The following MEIS2 variants were observed in gnomAD, a reference collection of about 807,000 sequenced individuals.
MEIS2 encodes homeobox protein Meis2.
MEIS2 carries 9 observed loss-of-function variants against 58.6 expected under a neutral mutation model. That is an observed-to-expected ratio of 0.15 (90% CI 0.09 to 0.27). The LOEUF is 0.27. MEIS2 is among the 10% of genes least tolerant of loss of function. MEIS2 has a pLI of 1.00. For missense variants in MEIS2, 427 were observed against 635.0 expected, an observed-to-expected ratio of 0.67 and a Z score of 3.52; for synonymous variants, 221 against 228.4, an observed-to-expected ratio of 0.97 and a Z score of 0.29.
chr15:36,941,062 A>C (rs1008191402), intron 9 of MEIS2, among the ~76,000 whole-genome samples: 6 of 152,106 alleles, frequency 3.9e-5, no homozygotes, highest in Non-Finnish European at 8.8e-5. Context: ...GCAGCAACCC[A>C]TTCCACCTAA....
At chr15:36,957,779 ATGCATTAGTTC>A (rs1244373374) in intron 8 of MEIS2, among the ~76,000 whole-genome samples, 1 of 152,244 alleles carries the variant, frequency 6.6e-6, no homozygotes, top group Non-Finnish European at 1.5e-5. Flanking sequence ...TTGTTACTGA[ATGCATTAGTTC>A]TGAAATTGGT....
chr15:37,049,926 C>T (rs372929674), intron 7 of MEIS2, among the ~76,000 whole-genome samples: 1 of 152,072 alleles, frequency 6.6e-6, no homozygotes, highest in African/African-American at 2.4e-5. Flanking sequence ...TTCAAGGCCA[C>T]TTACTAATCT....
intron 9 of MEIS2, among the ~76,000 whole-genome samples, chr15:36,927,288 C>T (rs2057787170): frequency 6.6e-6 from 1 of 152,050 alleles, no homozygotes; most frequent in South Asian, 2.1e-4. Context: ...GCATATAAAC[C>T]AGGGGTACAG....
chr15:36,995,957 ATATATATATATATATATAT>A (rs1435281987), intron 8 of MEIS2, among the ~76,000 whole-genome samples: 6 of 4,498 alleles, frequency 1.3e-3, no homozygotes, highest in African/African-American at 8.8e-3. Flanking sequence ...CTAGTCTGAG[ATATATATATATATATATAT>A]ATATATATAT....
intron 11 of MEIS2, chr15:36,894,468 C>T: frequency 3.6e-6 from 1 of 277,936 alleles, no homozygotes; most frequent in Non-Finnish European, 6.8e-6. Flanking sequence ...ATTGGGGCCA[C>T]AGTAAATAGG....
At chr15:37,080,298 T>G (rs1444506993) in intron 7 of MEIS2, among the ~76,000 whole-genome samples, 1 of 152,050 alleles carries the variant, frequency 6.6e-6, no homozygotes, top group African/African-American at 2.4e-5. Flanking sequence ...TCATCAATAT[T>G]CTCCAATTTG....
chr15:36,981,976 A>G (rs185824075), intron 8 of MEIS2, among the ~76,000 whole-genome samples: 1 of 152,084 alleles, frequency 6.6e-6, no homozygotes, highest in African/African-American at 2.4e-5. Flanking sequence ...CAGGCCTTAC[A>G]TGTTGAACTG....
At chr15:36,898,820 C>A (rs1163967056) in intron 9 of MEIS2, 2 of 152,188 alleles carry the variant, frequency 1.3e-5, no homozygotes, top group African/African-American at 4.8e-5. Context: ...AAAGGTTGTT[C>A]AATGGGGGAC....
At chr15:36,947,812 C>G (rs16964378) in intron 9 of MEIS2, among the ~76,000 whole-genome samples, 16,775 of 151,928 alleles carry the variant, frequency 0.11, 927 homozygotes, top group African/African-American at 0.14. Flanking sequence ...CTTCTCATCT[C>G]TCTTAGTGAT....
Position 36,943,910 on chromosome 15 carries a change from G to A in MEIS2, c.977+6414C>T, listed in dbSNP as rs779890112. 3.3e-5 allele frequency among the ~76,000 whole-genome samples: 5 copies of A among 151,962 alleles called. No homozygotes were observed. The South Asian group carries it at 6.2e-4, about 19-fold the overall frequency. On this transcript the variant is annotated intron_variant, in intron 9 of 11. Coordinates refer to ENST00000561208, the MANE Select transcript of MEIS2 (RefSeq NM_170675.5). Reference sequence around the variant, plus strand: ...TTACCACTTTTAAAAGGCTCTTGCTGAGTCTTAGCTGCTTGCCCAAATTTG... The same window carrying A: ...TTACCACTTTTAAAAGGCTCTTGCTAAGTCTTAGCTGCTTGCCCAAATTTG...
chr15:37,096,270 T>A lies in MEIS2; in HGVS notation c.387+19A>T. The stretch of plus-strand genomic sequence containing the variant: ...TAGTGAGGGACTGCCCGAAGTTGAG[T>A]GGATCAAGAAGGCTGGACCTGCTTG... On this transcript the variant is annotated intron_variant, in intron 3 of 11. Coordinates refer to ENST00000561208, the MANE Select transcript of MEIS2 (RefSeq NM_170675.5). The A allele has an allele frequency of 1.9e-6, 3 of 1,579,902 alleles. No individual in the cohort carries two copies. Among genetic ancestry groups the A allele is most frequent in the Non-Finnish European group, 2.6e-6 (3 of 1,159,882 alleles).
At chr15:37,009,509 T>A (rs1437429951) in intron 8 of MEIS2, among the ~76,000 whole-genome samples, 1 of 152,214 alleles carries the variant, frequency 6.6e-6, no homozygotes. Flanking sequence ...CTAAGTGTTG[T>A]GTAAATGGGA....
intron 7 of MEIS2, among the ~76,000 whole-genome samples, chr15:37,039,839 T>A (rs1460454213): frequency 6.6e-6 from 1 of 152,230 alleles, no homozygotes; most frequent in Non-Finnish European, 1.5e-5. Context: ...TAATATATGT[T>A]TATACCTCTA....
chr15:36,996,032 TACACACAC>T (rs1205549790), intron 8 of MEIS2, among the ~76,000 whole-genome samples: 3,222 of 113,108 alleles, frequency 0.028, 94 homozygotes, highest in Admixed American at 0.1. Flanking sequence ...TGTATATATA[TACACACAC>T]ACACACATAT....
chr15:36,985,153 A>T (rs1165748907), intron 8 of MEIS2, among the ~76,000 whole-genome samples: 2 of 152,002 alleles, frequency 1.3e-5, no homozygotes, highest in African/African-American at 4.8e-5. Context: ...AAGAATACCT[A>T]TCTGTTGGTC....
chr15:36,931,608 A>T (rs1422484729), intron 9 of MEIS2, among the ~76,000 whole-genome samples: 1 of 152,190 alleles, frequency 6.6e-6, no homozygotes, highest in African/African-American at 2.4e-5. Flanking sequence ...AACAATGGCA[A>T]TTAGGGAAGT....
chr15:37,079,567 A>G (rs558789741), intron 7 of MEIS2, among the ~76,000 whole-genome samples: 39 of 152,102 alleles, frequency 2.6e-4, no homozygotes, highest in Non-Finnish European at 4.6e-4. Context: ...TTTTATAACT[A>G]TAACATGTAT....
At chr15:37,097,498 C>G (rs1311390994) in intron 2 of MEIS2, 1 of 156,772 alleles carries the variant, frequency 6.4e-6, no homozygotes, top group Non-Finnish European at 1.4e-5. Context: ...CAGAAGCAGC[C>G]CTGATCCCAG....
At chr15:37,095,478 C>T (rs1596131463) in intron 4 of MEIS2, 86 bp downstream of exon 4, 5 of 1,598,424 alleles carry the variant, frequency 3.1e-6, no homozygotes, top group East Asian at 2.2e-5. Context: ...TCTGTTCTAA[C>T]TCCCCAGAGC....
Sources: gnomAD v4.1 joint callset for allele counts (sites outside exome capture counted in the v4.1 genomes callset) on GRCh38, gnomAD v4.1.1 for gene constraint, MANE v1.5 for transcripts, NCBI Gene and HGNC (gene_info 2026-07-23, HGNC 2026-07-21) for gene names.